Variants in TNNT2 observed in about 807,000 individuals in gnomAD.
TNNT2 encodes troponin T2, cardiac type.
TNNT2 carries 34 observed loss-of-function variants against 62.4 expected under a neutral mutation model. That is an observed-to-expected ratio of 0.54 (90% CI 0.41 to 0.72). TNNT2 has a LOEUF of 0.72. Ranked by LOEUF, TNNT2 falls within the 30% of genes least tolerant of loss-of-function variation. The probability of loss-of-function intolerance (pLI) is 0.00; values close to 1 mark genes in which losing one functional copy is unlikely to be tolerated. For missense variants in TNNT2, 275 were observed against 381.9 expected (o/e 0.72, Z 2.33); for synonymous variants, 123 against 127.2 (o/e 0.97, Z 0.22).
At chr1:201,362,536 C>T (rs2365652) in intron 12 of TNNT2, 142 bp from the exon 13 acceptor site, 1 of 1,106,880 alleles carries the variant, frequency 9.0e-7, no homozygotes, top group East Asian at 2.6e-5. Context: ...GCCGGGTTTA[C>T]TAGGACGTGG....
Position 201,362,352 on chromosome 1 carries a change from G to C in TNNT2, c.609+34C>G, listed in dbSNP as rs199724264. 23 of 1,613,230 alleles carry C rather than the reference G, an allele frequency of 1.4e-5. No homozygotes were observed. The African/African-American group carries it at 2.1e-4, about 15-fold the overall frequency. ...TCCCAGGGAGCTCTCCAAAACTATG[G>C]GGAGGAAGAAGGCTTGAGGTTTTTG... On this transcript the variant is annotated intron_variant, in intron 13 of 16. Coordinates refer to ENST00000656932, the MANE Select transcript of TNNT2 (RefSeq NM_001276345.2).
intron 9 of TNNT2, 120 bp downstream of exon 9, chr1:201,365,490 T>G: frequency 7.9e-7 from 1 of 1,273,276 alleles, no homozygotes; most frequent in South Asian, 1.2e-5. Flanking sequence ...CCAGCCTGGC[T>G]GGTGCTGCAC....
chr1:201,367,808 TA>T lies in TNNT2; in HGVS notation c.164-3del, dbSNP rs748530012. 1 of 1,614,158 alleles carries T rather than the reference TA, an allele frequency of 6.2e-7. No individual in the cohort carries two copies. The highest frequency in any genetic ancestry group is 8.5e-7 in the Non-Finnish European group (1 of 1,180,028). On this transcript the variant is annotated splice_polypyrimidine_tract_variant and splice_region_variant and intron_variant, in intron 6 of 16. Transcript: ENST00000656932. ...TTGCTTCCTCTTCTTCTTCATCTTC[TA>T]AATGAAACACGAGAAATCAATCAAG...
At chr1:201,364,046 C>T in intron 11 of TNNT2, 1 of 492,500 alleles carries the variant, frequency 2.0e-6, no homozygotes, top group Non-Finnish European at 3.7e-6. Flanking sequence ...GCCACCACGC[C>T]TGGCTAATTT....
chr1:201,367,641 T>C, intron 7 of TNNT2, 130 bp downstream of exon 7: 1 of 1,056,262 alleles, frequency 9.5e-7, no homozygotes, highest in Non-Finnish European at 1.5e-6. Context: ...CACCAAGTTC[T>C]GTCCTCTCCT....
At chr1:201,368,016 G>T in intron 6 of TNNT2, 146 bp downstream of exon 6, 1 of 1,001,744 alleles carries the variant, frequency 1.0e-6, no homozygotes, top group Non-Finnish European at 1.6e-6. Flanking sequence ...TTTGTTGATT[G>T]GGCAATCAAT....
intron 4 of TNNT2, among the ~76,000 whole-genome samples, chr1:201,371,789 A>C (rs1476917613): frequency 6.6e-6 from 1 of 152,168 alleles, no homozygotes; most frequent in Admixed American, 6.5e-5. Context: ...AATTGGGAAA[A>C]GTGATCAGTG....
At chr1:201,371,235 G>C (rs1436866025) in intron 4 of TNNT2, among the ~76,000 whole-genome samples, 1 of 152,214 alleles carries the variant, frequency 6.6e-6, no homozygotes, top group Non-Finnish European at 1.5e-5. Context: ...GGGAGGACTG[G>C]AGTGAAGCCT....
chr1:201,365,695 A>G, intron 8 of TNNT2, 25 bp from the exon 9 acceptor site: 2 of 1,612,702 alleles, frequency 1.2e-6, no homozygotes, highest in South Asian at 2.2e-5. Flanking sequence ...AATAGTCAGC[A>G]TCAGCCCCAT....
intron 1 of TNNT2, chr1:201,375,006 G>A (rs12566896): frequency 0.078 from 11,926 of 152,546 alleles, 933 homozygotes; most frequent in African/African-American, 0.2. Context: ...GCGTGCCAGT[G>A]CTGCAGCACC....
At chr1:201,360,272 A>T (rs1658365413) in intron 15 of TNNT2, among the ~76,000 whole-genome samples, 1 of 152,272 alleles carries the variant, frequency 6.6e-6, no homozygotes. Flanking sequence ...CCAGATATGA[A>T]CCCATAGGGC....
At chr1:201,359,321 G>A in intron 16 of TNNT2, 66 bp from the exon 17 acceptor site, 1 of 1,570,536 alleles carries the variant, frequency 6.4e-7, no homozygotes, top group Non-Finnish European at 8.7e-7. Context: ...CATGCGGCTG[G>A]GGTAGGACTG....
intron 9 of TNNT2, 48 bp from the exon 10 acceptor site, chr1:201,365,355 A>G (rs753732935): frequency 5.9e-6 from 9 of 1,529,076 alleles, no homozygotes; most frequent in Admixed American, 3.3e-5. Flanking sequence ...CAAAGAGTCC[A>G]GAGGAGAGAT....
intron 14 of TNNT2, 28 bp downstream of exon 14, chr1:201,361,885 C>G: frequency 6.2e-7 from 1 of 1,602,072 alleles, no homozygotes; most frequent in Non-Finnish European, 8.6e-7. Context: ...GCGGGCAGTG[C>G]CCCAGGACCA....
rs147567705 is a variant in TNNT2 at position 201,366,804 on chromosome 1, G to A, written c.233+34C>T. 6.1e-5 allele frequency: 98 copies of A among 1,614,004 alleles called. No homozygotes were observed. In the East Asian group the frequency reaches 2.1e-3, roughly 35 times the overall value. On this transcript the variant is annotated intron_variant, in intron 8 of 16. Transcript: ENST00000656932. ...CATCATCCTCTCTCCCTGAGCCTCT[G>A]CTCCCGGCTCTACCCAGGTGCCTCC...
In TNNT2 at chr1:201,359,243, G is replaced by A. The variant is rs45503195; in HGVS notation, c.864C>T (p.Arg288=). 7.4e-5 allele frequency: 120 copies of A among 1,611,308 alleles called. No homozygotes were observed. Among genetic ancestry groups the A allele is most frequent in the South Asian group, 2.0e-4 (18 of 89,880 alleles). The stretch of plus-strand genomic sequence containing the variant: ...AGCGCCCGGTGACTTTAGCCTTCCC[G>A]CGGGTCTTGGAGCTGCAGGGGAAGC... The part of the protein sequence containing the change: ...INDNQKVSKT[R]GKAKVTGRWK The change falls in exon 17 of 17, where the codon CGC becomes CGT. Residue 288 remains arginine (R), a synonymous_variant. Transcript: ENST00000656932.
In TNNT2 at chr1:201,361,973, T is replaced by G. The variant is rs190805300; in HGVS notation, c.659A>C (p.Lys220Thr). ...CACCTTCCTCCTCTCAGCCAGAATC[T>G]TCTTCTTCTTTTCCCGCTCAGTCTG... ...KRQTEREKKK[K>T]ILAERRKVLA... The change falls in exon 14 of 17, where the codon AAG becomes ACG. Residue 220 changes from lysine to threonine, a missense_variant. By Grantham distance (78) the Lys-to-Thr change is moderately conservative (BLOSUM62 -1). Coordinates refer to ENST00000656932, the MANE Select transcript of TNNT2 (RefSeq NM_001276345.2). 6.2e-7 allele frequency: 1 copy of G among 1,614,016 alleles called. No homozygotes were observed. Among genetic ancestry groups the G allele is most frequent in the Admixed American group, 1.7e-5 (1 of 60,028 alleles).
rs1325343804 is a variant in TNNT2, at chr1:201,361,992, C to T, written c.640G>A (p.Glu214Lys). 1.2e-6 allele frequency: 2 copies of T among 1,614,232 alleles called. No homozygotes were observed. The highest frequency in any genetic ancestry group is 1.7e-6 in the Non-Finnish European group (2 of 1,180,042). Residue 214 changes from glutamate (E) to lysine (K), a missense_variant, in exon 14 of 17, where the codon GAG becomes AAG. Physicochemically the swap from Glu to Lys is moderately conservative, Grantham distance 56 (BLOSUM62 1). Coordinates refer to ENST00000656932, the MANE Select transcript of TNNT2 (RefSeq NM_001276345.2). ...AGAATCTTCTTCTTCTTTTCCCGCT[C>T]AGTCTGCCTCTTCCCACTTTTCCGC... ...TERKSGKRQT[E>K]REKKKKILAE...
chr1:201,367,188 C>T (rs568565461), intron 7 of TNNT2: 6 of 489,124 alleles, frequency 1.2e-5, no homozygotes, highest in South Asian at 1.2e-4. Flanking sequence ...AGTGACAAGG[C>T]CTTTGGAAAG....
Sources: gnomAD v4.1 joint callset for allele counts (sites outside exome capture counted in the v4.1 genomes callset) on GRCh38, gnomAD v4.1.1 for gene constraint, MANE v1.5 for transcripts, NCBI Gene and HGNC (gene_info 2026-07-23, HGNC 2026-07-21) for gene names.